ZNF521: variants seen among roughly 807,000 people sequenced by gnomAD.
ZNF521 encodes zinc finger protein 521.
A neutral mutation model predicts 105.5 loss-of-function variants in ZNF521; 14 were observed. The observed-to-expected ratio is 0.13, with a 90% CI of 0.09 to 0.21. The LOEUF (loss-of-function observed/expected upper bound fraction) is 0.21. Ranked by LOEUF, ZNF521 falls within the 10% of genes least tolerant of loss-of-function variation. The probability of loss-of-function intolerance (pLI) is 1.00; values close to 1 mark genes in which losing one functional copy is unlikely to be tolerated. For synonymous variants in ZNF521, 635 were observed against 606.0 expected (o/e 1.05, Z -0.70); for missense variants, 1,233 against 1,629.7 (o/e 0.76, Z 4.19).
intron 2 of ZNF521, among the ~76,000 whole-genome samples, chr18:25,338,068 C>T (rs1339199857): frequency 2.0e-5 from 3 of 152,166 alleles, no homozygotes; most frequent in Non-Finnish European, 4.4e-5. Flanking sequence ...GCCCAGTTAG[C>T]TCCCTGGGTA....
chr18:25,247,910 C>T (rs1907842327), intron 3 of ZNF521, among the ~76,000 whole-genome samples: 1 of 152,160 alleles, frequency 6.6e-6, no homozygotes, highest in Non-Finnish European at 1.5e-5. Flanking sequence ...ATCCAAAAGA[C>T]TCAGTGACTA....
intron 5 of ZNF521, among the ~76,000 whole-genome samples, chr18:25,106,258 C>A (rs2034070677): frequency 6.6e-6 from 1 of 152,086 alleles, no homozygotes; most frequent in African/African-American, 2.4e-5. Flanking sequence ...AGGTTGTTTT[C>A]TCTTCCTCAT....
At chr18:25,157,709 T>C (rs2035172853) in intron 5 of ZNF521, among the ~76,000 whole-genome samples, 1 of 152,144 alleles carries the variant, frequency 6.6e-6, no homozygotes, top group Non-Finnish European at 1.5e-5. Context: ...TCAGTTCAAA[T>C]CCTGCCAACT....
At position 25,307,033 on chromosome 18, in the gene ZNF521, T is replaced by C. The variant is rs1024024472; in HGVS notation, c.220+14975A>G. On this transcript the variant is annotated intron_variant, in intron 3 of 7. Coordinates refer to ENST00000361524, the MANE Select transcript of ZNF521 (RefSeq NM_015461.3). ...CTTTATTTTTCCTAGTATCGAGTGATGGCCACCCAATACAGCTGAGGAATT... is the reference window on the plus strand; with the variant it reads ...CTTTATTTTTCCTAGTATCGAGTGACGGCCACCCAATACAGCTGAGGAATT... 2.6e-5 allele frequency among the ~76,000 whole-genome samples: 4 copies of C among 152,254 alleles called. No individual in the cohort carries two copies. The East Asian group carries it at 7.7e-4, about 29-fold the overall frequency.
intron 5 of ZNF521, among the ~76,000 whole-genome samples, chr18:25,159,733 A>G (rs1952234127): frequency 6.6e-6 from 1 of 152,188 alleles, no homozygotes; most frequent in South Asian, 2.1e-4. Context: ...ACTGTGCCAA[A>G]TTTAGAAATG....
chr18:25,140,089 A>G (rs920327890), intron 5 of ZNF521, among the ~76,000 whole-genome samples: 1 of 152,176 alleles, frequency 6.6e-6, no homozygotes, highest in Non-Finnish European at 1.5e-5. Context: ...GGTATATAGC[A>G]GCGCAAATGG....
chr18:25,083,443 T>G (rs111328957), intron 7 of ZNF521, among the ~76,000 whole-genome samples: 1 of 152,194 alleles, frequency 6.6e-6, no homozygotes, highest in Non-Finnish European at 1.5e-5. Flanking sequence ...AGGTCAGCAC[T>G]AGGAAAGCAG....
At chr18:25,168,039 G>A (rs909216460) in intron 5 of ZNF521, among the ~76,000 whole-genome samples, 1 of 152,176 alleles carries the variant, frequency 6.6e-6, no homozygotes, top group Non-Finnish European at 1.5e-5. Flanking sequence ...TAGCTCCAAG[G>A]TTAAGAGACT....
intron 5 of ZNF521, among the ~76,000 whole-genome samples, chr18:25,164,056 C>G (rs1418927032): frequency 6.6e-6 from 1 of 152,156 alleles, no homozygotes; most frequent in Non-Finnish European, 1.5e-5. Context: ...ACATAGCTAA[C>G]AGGATATTAC....
chr18:25,073,207 C>A (rs553801492), intron 7 of ZNF521, among the ~76,000 whole-genome samples: 12 of 152,094 alleles, frequency 7.9e-5, no homozygotes, highest in Admixed American at 7.2e-4. Flanking sequence ...TATTTAACAG[C>A]CTTGTGTACC....
intron 5 of ZNF521, among the ~76,000 whole-genome samples, chr18:25,188,979 T>C (rs2035773304): frequency 6.6e-6 from 1 of 152,188 alleles, no homozygotes; most frequent in African/African-American, 2.4e-5. Context: ...GTACACTAAC[T>C]GCCAGTATTT....
intron 7 of ZNF521, among the ~76,000 whole-genome samples, chr18:25,076,774 C>T (rs570569398): frequency 1.8e-4 from 28 of 152,106 alleles, no homozygotes; most frequent in African/African-American, 6.8e-4. Context: ...ACTATTTTCA[C>T]TTTTGAAAAA....
chr18:25,280,764 T>C (rs1035429466), intron 3 of ZNF521, among the ~76,000 whole-genome samples: 1 of 152,222 alleles, frequency 6.6e-6, no homozygotes, highest in Non-Finnish European at 1.5e-5. Flanking sequence ...CAAAAGTAAA[T>C]GGTATTGTCC....
chr18:25,283,920 T>C (rs1024803759), intron 3 of ZNF521, among the ~76,000 whole-genome samples: 2 of 78,478 alleles, frequency 2.5e-5, no homozygotes, highest in East Asian at 5.4e-4. Flanking sequence ...AAGCCAATAC[T>C]TTCCCCCCCC....
chr18:25,278,619 G>A (rs1794239054), intron 3 of ZNF521, among the ~76,000 whole-genome samples: 1 of 152,154 alleles, frequency 6.6e-6, no homozygotes, highest in African/African-American at 2.4e-5. Flanking sequence ...AAGAATCCAA[G>A]GCCCTTGCTC....
intron 3 of ZNF521, among the ~76,000 whole-genome samples, chr18:25,299,537 C>T (rs1911512153): frequency 6.6e-6 from 1 of 152,166 alleles, no homozygotes; most frequent in African/African-American, 2.4e-5. Context: ...AAACCCCTAA[C>T]AGGTTTTAAA....
At chr18:25,094,659 C>T (rs979657814) in intron 5 of ZNF521, among the ~76,000 whole-genome samples, 3 of 152,080 alleles carry the variant, frequency 2.0e-5, no homozygotes, top group Non-Finnish European at 4.4e-5. Flanking sequence ...TTACTGATCT[C>T]CTAGTTATTT....
At chr18:25,304,931 GACT>G (rs1221338005) in intron 3 of ZNF521, among the ~76,000 whole-genome samples, 1 of 152,184 alleles carries the variant, frequency 6.6e-6, no homozygotes, top group Non-Finnish European at 1.5e-5. Flanking sequence ...TAGGTTTCAT[GACT>G]CACATTTCTT....
intron 2 of ZNF521, among the ~76,000 whole-genome samples, chr18:25,346,730 C>A (rs1456874824): frequency 6.6e-6 from 1 of 152,214 alleles, no homozygotes; most frequent in African/African-American, 2.4e-5. Flanking sequence ...AAAGGGTTAG[C>A]TACTGTGACG....
Sources: allele counts gnomAD v4.1 joint callset (sites outside exome capture counted in the v4.1 genomes callset), GRCh38; gene constraint gnomAD v4.1.1; transcripts MANE v1.5; gene names NCBI Gene and HGNC (gene_info 2026-07-23, HGNC 2026-07-21).